GNG3: variants seen among roughly 807,000 people sequenced by gnomAD.
GNG3 encodes the protein G protein subunit gamma 3.
Under a neutral mutation model 5.6 loss-of-function variants are expected in GNG3, and 4 were observed. That is an observed-to-expected ratio of 0.71 (90% CI 0.35 to 1.63). The LOEUF (loss-of-function observed/expected upper bound fraction) is 1.63, where lower values mean the gene tolerates loss of function less well. Ranked by LOEUF, GNG3 falls within the 40% of genes most tolerant of loss-of-function variation. GNG3 has a pLI of 0.05. For synonymous variants in GNG3, 30 were observed against 33.5 expected (o/e 0.89, Z 0.36); for missense variants, 62 against 96.6 (o/e 0.64, Z 1.50).
chr11:62,707,073 T>G, upstream of GNG3: 3 of 1,526,138 alleles, frequency 2.0e-6, no homozygotes, highest in East Asian at 2.5e-5. Context: ...CTATTTCCAG[T>G]ATATTTCTGC....
chr11:62,706,740 G>T (rs779513460), upstream of GNG3: 37 of 512,356 alleles, frequency 7.2e-5, no homozygotes, highest in Admixed American at 2.1e-4. Flanking sequence ...CCTAGAGCAT[G>T]TTGCAGTTTG....
At chr11:62,706,692 C>T (rs1009623981), upstream of GNG3, 3 of 481,600 alleles carry the variant, frequency 6.2e-6, no homozygotes, top group Non-Finnish European at 1.3e-5. Context: ...TCGCCCACAG[C>T]TCCTAGGACC....
chr11:62,707,362 G>A (rs1334977876), upstream of GNG3: 1 of 730,926 alleles, frequency 1.4e-6, no homozygotes, highest in Non-Finnish European at 2.4e-6. Context: ...TAAGTGCTGT[G>A]TCAGAGTAGA....
At chr11:62,707,968 T>G (rs1590888267) in intron 1 of GNG3, 53 bp downstream of exon 1, 1 of 358,918 alleles carries the variant, frequency 2.8e-6, no homozygotes, top group Non-Finnish European at 5.3e-6. Context: ...CAGACAGGGG[T>G]GATGTGCCCT....
intron 1 of GNG3, 165 bp from the exon 2 acceptor site, chr11:62,708,130 A>T: frequency 1.6e-6 from 1 of 627,092 alleles, no homozygotes; most frequent in South Asian, 1.8e-5. Flanking sequence ...ATTTTTTTCC[A>T]TGAGGAATAC....
Position 62,708,701 on chromosome 11 carries a change from G to C in GNG3, c.123G>C (p.Leu41=). ...RIKVSKAAAD[L]MTYCDAHACE... is the part of the protein sequence containing the mutation. ...AGGTGTCCAAGGCAGCAGCAGACCT[G>C]ATGACTTACTGTGATGCCCACGCCT... The change falls in exon 3 of 3, where the codon CTG becomes CTC. Residue 41 remains leucine, a synonymous_variant. Coordinates refer to ENST00000294117, the MANE Select transcript of GNG3 (RefSeq NM_012202.5). 6.2e-7 allele frequency: 1 copy of C among 1,614,000 alleles called. No homozygotes were observed. Among genetic ancestry groups the C allele is most frequent in the Non-Finnish European group, 8.5e-7 (1 of 1,179,882 alleles).
chr11:62,708,155 C>T, intron 1 of GNG3, 140 bp from the exon 2 acceptor site: 1 of 690,002 alleles, frequency 1.4e-6, no homozygotes, highest in Admixed American at 2.1e-5. Context: ...ATGAGACAGT[C>T]CACTGGAGGA....
At chr11:62,706,571 C>T (rs1402206456), upstream of GNG3, 19 of 465,706 alleles carry the variant, frequency 4.1e-5, no homozygotes, top group South Asian at 1.7e-4. Flanking sequence ...AGCCTCCGCT[C>T]GGCTCTCCCT....
upstream of GNG3, chr11:62,707,325 C>A: frequency 1.2e-6 from 1 of 857,514 alleles, no homozygotes; most frequent in Middle Eastern, 2.1e-4. Context: ...TGGAGGGTCC[C>A]TGGGAGAGAA....
chr11:62,707,473 T>C, upstream of GNG3: 2 of 677,008 alleles, frequency 3.0e-6, no homozygotes, highest in Non-Finnish European at 5.4e-6. Flanking sequence ...GGGGCCGTCA[T>C]AGGCCCAGAC....
Position 62,709,127 on chromosome 11 carries a change from G to A in GNG3, c.*321G>A. ...CAGACAATGGAGAGGGATGGGCCAG[G>A]TTCTTGCTCTCAGTCTCACCTGGAG... On this transcript the variant is annotated 3_prime_UTR_variant, in exon 3 of 3. Coordinates refer to ENST00000294117, the MANE Select transcript of GNG3 (RefSeq NM_012202.5). 2.1e-6 allele frequency: 1 copy of A among 480,700 alleles called. No individual in the cohort carries two copies. Among genetic ancestry groups the A allele is most frequent in the Non-Finnish European group, 4.1e-6 (1 of 245,120 alleles). The allele number at this position is 480,700 out of a possible 1,614,324, so 29.8% of individuals were successfully genotyped here. A position where few individuals can be genotyped will look rare whatever the true frequency, so the allele number is the denominator to read the frequency against.
upstream of GNG3, chr11:62,707,241 T>C (rs376965340): frequency 1.1e-4 from 167 of 1,506,948 alleles, 1 homozygote; most frequent in African/African-American, 1.4e-3. Flanking sequence ...ACTGAGTCAC[T>C]TGTGGCTAAA....
chr11:62,706,601 C>G (rs1239287212), upstream of GNG3: 1 of 469,918 alleles, frequency 2.1e-6, no homozygotes, highest in Non-Finnish European at 4.4e-6. Context: ...AATCACAGCC[C>G]TCCGTGCACA....
upstream of GNG3, chr11:62,706,789 T>A (rs1268029625): frequency 1.8e-6 from 1 of 568,652 alleles, no homozygotes; most frequent in Non-Finnish European, 3.4e-6. Flanking sequence ...GCAGGCAGAT[T>A]AGTGCCCTGT....
chr11:62,707,449 C>G, upstream of GNG3: 1 of 692,780 alleles, frequency 1.4e-6, no homozygotes. Context: ...GCAGCCAGTA[C>G]AGACTCCACT....
upstream of GNG3, chr11:62,707,533 G>T: frequency 1.6e-6 from 1 of 611,550 alleles, no homozygotes; most frequent in Non-Finnish European, 2.9e-6. Flanking sequence ...CTGTTGGGGA[G>T]GTCTCTAGCC....
At chr11:62,707,317 G>A (rs1349790832), upstream of GNG3, 3 of 889,606 alleles carry the variant, frequency 3.4e-6, no homozygotes, top group South Asian at 1.4e-5. Flanking sequence ...ATGGAAAATG[G>A]AGGGTCCCTG....
chr11:62,707,472 A>G, upstream of GNG3: 2 of 677,318 alleles, frequency 3.0e-6, no homozygotes, highest in Non-Finnish European at 5.4e-6. Context: ...AGGGGCCGTC[A>G]TAGGCCCAGA....
At position 62,708,996 on chromosome 11, in the gene GNG3, C is replaced by T. The variant is rs2058238070; in HGVS notation, c.*190C>T. The T allele has an allele frequency of 1.7e-6, 1 of 591,032 alleles. No individual in the cohort carries two copies. Among genetic ancestry groups the T allele is most frequent in the Non-Finnish European group, 3.0e-6 (1 of 328,792 alleles). The allele number at this position is 591,032 out of a possible 1,614,324, so 36.6% of individuals were successfully genotyped here. On this transcript the variant is annotated 3_prime_UTR_variant, in exon 3 of 3. Transcript: ENST00000294117. ...ACCCCATTTCCTACCACCTTTGTGGCCGACCCCAAGCACCCCAGAGATATG... is the reference window on the plus strand; with the variant it reads ...ACCCCATTTCCTACCACCTTTGTGGTCGACCCCAAGCACCCCAGAGATATG...
Sources: allele counts gnomAD v4.1 joint callset, GRCh38; gene constraint gnomAD v4.1.1; transcripts MANE v1.5; gene names NCBI Gene and HGNC (gene_info 2026-07-23, HGNC 2026-07-21).